Variants in REC114 observed in about 807,000 individuals in gnomAD.
REC114 encodes the protein meiotic recombination protein REC114.
Under a neutral mutation model 31.3 loss-of-function variants are expected in REC114, and 27 were observed. The observed-to-expected ratio is 0.86, with a 90% confidence interval of 0.64 to 1.19. The LOEUF is 1.19. Ranked by LOEUF, REC114 falls within the 50% of genes most tolerant of loss-of-function variation. REC114 has a pLI of 0.00. For synonymous variants in REC114, 134 were observed against 127.7 expected, an observed-to-expected ratio of 1.05 and a Z score of -0.33; for missense variants, 344 against 326.9, an observed-to-expected ratio of 1.05 and a Z score of -0.40.
chr15:73,474,479 G>GA (rs1194348450), intron 2 of REC114, among the ~76,000 whole-genome samples: 12 of 151,180 alleles, frequency 7.9e-5, no homozygotes, highest in South Asian at 6.3e-4. Flanking sequence ...CCAAATGAAA[G>GA]AAAAAAAACA....
intron 2 of REC114, among the ~76,000 whole-genome samples, chr15:73,539,377 G>A (rs998953083): frequency 2.2e-4 from 27 of 124,510 alleles, no homozygotes; most frequent in Admixed American, 6.2e-4. Flanking sequence ...TGCAACCTCC[G>A]CCTCCTGGGT....
chr15:73,554,829 A>T (rs1052375033), intron 4 of REC114, among the ~76,000 whole-genome samples: 1 of 152,190 alleles, frequency 6.6e-6, no homozygotes, highest in African/African-American at 2.4e-5. Flanking sequence ...ATGGCAGACA[A>T]TTTTGGTTGA....
intron 1 of REC114, among the ~76,000 whole-genome samples, chr15:73,455,867 T>G (rs894787053): frequency 3.9e-5 from 6 of 152,090 alleles, no homozygotes; most frequent in Admixed American, 3.3e-4. Context: ...ATAGGTCTGG[T>G]ATGGGGAATG....
At chr15:73,502,482 A>G (rs1172665801) in intron 2 of REC114, among the ~76,000 whole-genome samples, 3 of 152,222 alleles carry the variant, frequency 2.0e-5, no homozygotes, top group African/African-American at 4.8e-5. Context: ...TGTATTACAT[A>G]CTGTATTCTT....
chr15:73,452,951 T>A (rs1209963269), intron 1 of REC114, among the ~76,000 whole-genome samples: 1 of 152,130 alleles, frequency 6.6e-6, no homozygotes, highest in Non-Finnish European at 1.5e-5. Context: ...TGAAACTGGA[T>A]CCCTTCCTTA....
intron 5 of REC114, 44 bp downstream of exon 5, chr15:73,556,435 G>A: frequency 6.7e-7 from 1 of 1,503,240 alleles, no homozygotes; most frequent in South Asian, 1.2e-5. Flanking sequence ...ATGAGAAGCA[G>A]TGACCCCTAA....
chr15:73,478,263 CAAAAAAAAAAA>C (rs57210193), intron 2 of REC114, among the ~76,000 whole-genome samples: 1 of 40,332 alleles, frequency 2.5e-5, no homozygotes, highest in Non-Finnish European at 5.2e-5. Context: ...GACTCTGTCT[CAAAAAAAAAAA>C]AAAAAAAAAA....
Position 73,525,103 on chromosome 15 carries a change from T to G in REC114, c.250-15382T>G, listed in dbSNP as rs1312577446. Among the ~76,000 whole-genome samples the G allele has an allele frequency of 3.3e-5, 5 of 152,234 alleles. No individual in the cohort carries two copies. In the East Asian group the frequency reaches 9.7e-4, roughly 29 times the overall value. ...TCAAGTGCAAAGGTCATGGCAATAG[T>G]TTTTTGGGATGCTCAAGGCATTTTG... On this transcript the variant is annotated intron_variant, in intron 2 of 5. Transcript: ENST00000331090.
At position 73,482,894 on chromosome 15, in the gene REC114, AT is replaced by A. The variant is rs199807391; in HGVS notation, c.249+8988del. Among the ~76,000 whole-genome samples the A allele has an allele frequency of 8.9e-3, 1,243 of 139,522 alleles. 7 individuals are homozygous for A. The highest frequency in any genetic ancestry group is 0.011 in the Non-Finnish European group (699 of 63,446). 91.5% of individuals were successfully genotyped at this position (139,522 alleles called of 152,430 possible). ...GGATTATATGGTAATTCTATTTTTG[AT>A]TTTTTTTTTTTTTTGAGGAACTGCC... On this transcript the variant is annotated intron_variant, in intron 2 of 5. Transcript: ENST00000331090.
At chr15:73,444,945 G>T (rs1374591762) in intron 1 of REC114, among the ~76,000 whole-genome samples, 1 of 152,194 alleles carries the variant, frequency 6.6e-6, no homozygotes, top group African/African-American at 2.4e-5. Flanking sequence ...GCTCTTGGGT[G>T]ACCAGGTGCC....
At chr15:73,480,658 C>G (rs1024248954) in intron 2 of REC114, among the ~76,000 whole-genome samples, 23 of 152,098 alleles carry the variant, frequency 1.5e-4, no homozygotes, top group African/African-American at 5.3e-4. Flanking sequence ...TCCTTTCATA[C>G]TAATCTGGGT....
At chr15:73,509,925 G>C (rs1893738253) in intron 2 of REC114, among the ~76,000 whole-genome samples, 2 of 151,550 alleles carry the variant, frequency 1.3e-5, no homozygotes, top group African/African-American at 4.8e-5. Flanking sequence ...GGCGATGCAG[G>C]CTCTTTTTTG....
intron 2 of REC114, among the ~76,000 whole-genome samples, chr15:73,489,377 T>C (rs1021180116): frequency 6.6e-6 from 1 of 151,872 alleles, no homozygotes; most frequent in African/African-American, 2.4e-5. Flanking sequence ...ATAATTTTTG[T>C]ATTTTTTTAG....
intron 1 of REC114, among the ~76,000 whole-genome samples, chr15:73,466,444 C>T (rs1893060791): frequency 6.6e-6 from 1 of 151,922 alleles, no homozygotes; most frequent in Non-Finnish European, 1.5e-5. Context: ...ATCCTAGCTA[C>T]TCAGGAGGCT....
chr15:73,551,605 G>C (rs1421949948), intron 4 of REC114, among the ~76,000 whole-genome samples: 4 of 152,172 alleles, frequency 2.6e-5, no homozygotes, highest in Non-Finnish European at 5.9e-5. Context: ...TTCGCAGTAA[G>C]AACAAACTAA....
intron 2 of REC114, among the ~76,000 whole-genome samples, chr15:73,474,724 G>A (rs1237535357): frequency 6.6e-6 from 1 of 152,104 alleles, no homozygotes; most frequent in Non-Finnish European, 1.5e-5. Flanking sequence ...TTTCATTATG[G>A]GATATCATCA....
At chr15:73,471,017 G>A (rs747346590) in intron 1 of REC114, among the ~76,000 whole-genome samples, 14 of 152,198 alleles carry the variant, frequency 9.2e-5, no homozygotes, top group East Asian at 3.9e-4. Flanking sequence ...GGCCTAGACC[G>A]TGGAGTGCGT....
At chr15:73,453,857 A>G (rs1208289160) in intron 1 of REC114, among the ~76,000 whole-genome samples, 1 of 152,052 alleles carries the variant, frequency 6.6e-6, no homozygotes, top group East Asian at 1.9e-4. Flanking sequence ...TTCTCAGCAA[A>G]CTAACACAAG....
chr15:73,500,746 TC>T lies in REC114; in HGVS notation c.249+26826del, dbSNP rs1402564075. ...AATTATTGTTTTTTTTTTTTTTTTTTCACTGCTGGTAACATCATTTTCTTGA... is the reference window on the plus strand; with the variant it reads ...AATTATTGTTTTTTTTTTTTTTTTTTACTGCTGGTAACATCATTTTCTTGA... On this transcript the variant is annotated intron_variant, in intron 2 of 5. Coordinates refer to ENST00000331090, the MANE Select transcript of REC114 (RefSeq NM_001042367.2). Among the ~76,000 whole-genome samples, 54 of 146,704 alleles carry T rather than the reference TC, an allele frequency of 3.7e-4. 1 individual carries two copies. The highest frequency in any genetic ancestry group is 5.6e-4 in the Non-Finnish European group (38 of 67,340).
Sources: allele counts gnomAD v4.1 joint callset (sites outside exome capture counted in the v4.1 genomes callset), GRCh38; gene constraint gnomAD v4.1.1; transcripts MANE v1.5; gene names NCBI Gene and HGNC (gene_info 2026-07-23, HGNC 2026-07-21).